ZAN: variants seen among roughly 807,000 people sequenced by gnomAD.
The protein encoded by ZAN is zonadhesin, also known as zonadhesin (gene/pseudogene).
A neutral mutation model predicts 286.2 loss-of-function variants in ZAN; 260 were observed. The ratio of observed to expected loss-of-function variants is 0.91; its 90% CI spans 0.82 to 1.01. The LOEUF is 1.01. Among genes scored for constraint, ZAN ranks in the 50% least tolerant of loss-of-function variants. The probability of loss-of-function intolerance (pLI) is 0.00; values close to 1 mark genes in which losing one functional copy is unlikely to be tolerated. For missense variants in ZAN, 3,410 were observed against 3,639.2 expected (o/e 0.94, Z 1.62); for synonymous variants, 1,368 against 1,417.5 (o/e 0.97, Z 0.79).
intron 7 of ZAN, among the ~76,000 whole-genome samples, chr7:100,743,831 C>T (rs935449869): frequency 1.3e-5 from 2 of 151,390 alleles, no homozygotes; most frequent in Non-Finnish European, 2.9e-5. Context: ...GAGCTGTGAT[C>T]GCACTACTGC....
At position 100,758,219 on chromosome 7, in the gene ZAN, C is replaced by G; in HGVS notation, c.3327C>G (p.Phe1109Leu). ...TCTCCCAGCCTGGGGCAGAGTGGTT[C>G]AGCCCCAACTGCACAGAACATTGCC... ...NDYYEPGAEW[F>L]SPNCTEHCRC... is the part of the protein sequence containing the mutation. The change falls in exon 16 of 48, where the codon TTC (phenylalanine) becomes TTG (leucine). Residue 1109 changes from phenylalanine (F) to leucine (L), a missense_variant. Phe to Leu is a conservative substitution (Grantham distance 22, BLOSUM62 0). This residue lies in a region of ZAN where 1,042 missense variants were observed against 1,058.0 expected (regional missense o/e 0.98). Coordinates refer to ENST00000613979, the MANE Select transcript of ZAN (RefSeq NM_003386.3). 6.2e-7 allele frequency: 1 copy of G among 1,613,132 alleles called. No individual in the cohort carries two copies. The highest frequency in any genetic ancestry group is 8.5e-7 in the Non-Finnish European group (1 of 1,179,706).
At position 100,789,232 on chromosome 7, in the gene ZAN, G is replaced by A. The variant is rs764190793; in HGVS notation, c.7242G>A (p.Lys2414=). 2 of 1,613,660 alleles carry A rather than the reference G, an allele frequency of 1.2e-6. No homozygotes were observed. Among genetic ancestry groups the A allele is most frequent in the African/African-American group, 1.3e-5 (1 of 75,052 alleles). ...AGLELVVNNQ[K]MAVPYRPNEH... The stretch of plus-strand genomic sequence containing the variant: ...TCCCTCTTTAGGTCAACAACCAGAA[G>A]ATGGCCGTCCCCTACAGGCCAAATG... Residue 2414 remains lysine (K), a synonymous_variant, in exon 39 of 48, where the codon AAG becomes AAA. Coordinates refer to ENST00000613979, the MANE Select transcript of ZAN (RefSeq NM_003386.3).
rs1273370675 is a variant in ZAN, at chr7:100,791,865, C to T, written c.7530-101C>T. ...GCCTCAGCCTCCCGGGTAGCTGGGA[C>T]TCCAGGCAGCCACCACCATGCCCGG... On this transcript the variant is annotated intron_variant, in intron 40 of 47. Coordinates refer to ENST00000613979, the MANE Select transcript of ZAN (RefSeq NM_003386.3). 1.4e-5 allele frequency: 19 copies of T among 1,392,510 alleles called. No homozygotes were observed. In the East Asian group the frequency reaches 4.3e-4, roughly 31 times the overall value. 86.3% of individuals were successfully genotyped at this position (1,392,510 alleles called of 1,614,324 possible).
intron 35 of ZAN, 139 bp downstream of exon 35, chr7:100,779,889 T>G: frequency 9.9e-7 from 1 of 1,012,848 alleles, no homozygotes; most frequent in South Asian, 2.6e-5. Context: ...GGACTATTTT[T>G]TAATTTTTAT....
At chr7:100,757,657 A>G (rs974133136) in intron 15 of ZAN, among the ~76,000 whole-genome samples, 1 of 150,956 alleles carries the variant, frequency 6.6e-6, no homozygotes, top group African/African-American at 2.4e-5. Flanking sequence ...CTGGAGGCTG[A>G]GGCAGGAGAA....
In ZAN at chr7:100,746,668, T is replaced by G; in HGVS notation, c.897T>G (p.Pro299=). ...ACTACATCCTCCGGGGCCAGTCTCC[T>G]GGTGCAGCCCTCCACATTTATGCTT... ...SFHYILRGQS[P]GAALHIYASV... Residue 299 remains proline, a synonymous_variant, in exon 8 of 48, where the codon CCT becomes CCG. Coordinates refer to ENST00000613979, the MANE Select transcript of ZAN (RefSeq NM_003386.3). 1 of 1,613,984 alleles carries G rather than the reference T, an allele frequency of 6.2e-7. No individual in the cohort carries two copies. Among genetic ancestry groups the G allele is most frequent in the Non-Finnish European group, 8.5e-7 (1 of 1,179,888 alleles).
rs1055678760 is a variant in ZAN at position 100,793,017 on chromosome 7, C to T, written c.7787+538C>T. On this transcript the variant is annotated intron_variant, in intron 42 of 47. Transcript: ENST00000613979. ...AAAAAAGAAAGAAAGAAAGAAAGAA[C>T]GAAAAAAAGAAAGAAATTAAAAAAA... Among the ~76,000 whole-genome samples the T allele has an allele frequency of 3.7e-5, 4 of 108,390 alleles. 1 individual carries two copies. Among genetic ancestry groups the T allele is most frequent in the East Asian group, 2.2e-4 (1 of 4,624 alleles). 71.1% of individuals were successfully genotyped at this position (108,390 alleles called of 152,430 possible). A position where few individuals can be genotyped will look rare whatever the true frequency, so the allele number is the denominator to read the frequency against.
At chr7:100,759,081 C>T (rs1809359412) in intron 17 of ZAN, among the ~76,000 whole-genome samples, 1 of 152,010 alleles carries the variant, frequency 6.6e-6, no homozygotes, top group Non-Finnish European at 1.5e-5. Context: ...AAAAATTAGC[C>T]AGGCTTGGTG....
At position 100,775,797 on chromosome 7, in the gene ZAN, C is replaced by G; in HGVS notation, c.6156C>G (p.Leu2052=). The G allele has an allele frequency of 1.2e-6, 2 of 1,613,866 alleles. No individual in the cohort carries two copies. The highest frequency in any genetic ancestry group is 1.7e-6 in the Non-Finnish European group (2 of 1,179,894). The part of the protein sequence containing the change: ...GVQVKFDGNH[L]LEIEIPTTYY... ...AAGTCAAGTTTGACGGGAATCATCTCTTAGAGATTGAAATCCCCACAACCT... is the reference window on the plus strand; with the variant it reads ...AAGTCAAGTTTGACGGGAATCATCTGTTAGAGATTGAAATCCCCACAACCT... Residue 2052 remains leucine (L), a synonymous_variant, in exon 33 of 48, where the codon CTC becomes CTG. Coordinates refer to ENST00000613979, the MANE Select transcript of ZAN (RefSeq NM_003386.3).
In ZAN at chr7:100,751,698, ATTTT is replaced by A. The variant is rs1349470052; in HGVS notation, c.1607-12_1607-9del. The A allele has an allele frequency of 5.7e-6, 9 of 1,566,830 alleles. No homozygotes were observed. The highest frequency in any genetic ancestry group is 6.9e-6 in the Non-Finnish European group (8 of 1,163,820). On this transcript the variant is annotated splice_polypyrimidine_tract_variant and intron_variant, in intron 13 of 47. Transcript: ENST00000613979. ...TTTTGACTAAACTCCAGGGATTCTT[ATTTT>A]TCTTTGCAGTAAAAGTGCTACCAGA...
At position 100,736,521 on chromosome 7, in the gene ZAN, C is replaced by A. The variant is rs185030445; in HGVS notation, c.145C>A (p.Pro49Thr). 1.3e-6 allele frequency: 2 copies of A among 1,524,214 alleles called. No homozygotes were observed. Among genetic ancestry groups the A allele is most frequent in the East Asian group, 2.3e-5 (1 of 43,888 alleles). The allele number at this position is 1,524,214 out of a possible 1,614,324, so 94.4% of individuals were successfully genotyped here. ...GTGTGATTTTGAGGATGACGCCAAACCCCTCTGTGACTGGTCCCAAGTGTC... is the reference window on the plus strand; with the variant it reads ...GTGTGATTTTGAGGATGACGCCAAAACCCTCTGTGACTGGTCCCAAGTGTC... ...TQCDFEDDAK[P>T]LCDWSQVSAD... Residue 49 changes from proline (P) to threonine (T), a missense_variant, in exon 4 of 48, where the codon CCC (proline) becomes ACC (threonine). Pro to Thr is a conservative substitution (Grantham distance 38). Coordinates refer to ENST00000613979, the MANE Select transcript of ZAN (RefSeq NM_003386.3).
chr7:100,773,641 G>T, intron 30 of ZAN, 80 bp from the exon 31 acceptor site: 1 of 1,553,924 alleles, frequency 6.4e-7, no homozygotes, highest in Non-Finnish European at 8.7e-7. Context: ...GGCAGATGCT[G>T]CACCCAGCTT....
intron 31 of ZAN, among the ~76,000 whole-genome samples, chr7:100,775,021 T>A (rs1479647459): frequency 6.6e-6 from 1 of 152,018 alleles, no homozygotes; most frequent in Non-Finnish European, 1.5e-5. Context: ...TCCATCTCCC[T>A]GGTTCAAGCG....
In ZAN at chr7:100,765,551, C is replaced by T; in HGVS notation, c.4467C>T (p.Phe1489=). 3 of 1,600,150 alleles carry T rather than the reference C, an allele frequency of 1.9e-6. No individual in the cohort carries two copies. The highest frequency in any genetic ancestry group is 2.6e-6 in the Non-Finnish European group (3 of 1,173,680). Residue 1489 remains phenylalanine (F), a synonymous_variant, in exon 23 of 48, where the codon TTC becomes TTT. Coordinates refer to ENST00000613979, the MANE Select transcript of ZAN (RefSeq NM_003386.3). ...CGCLHPAGSY[F]KVGERWYKPG... The stretch of plus-strand genomic sequence containing the variant: ...GCCTCCACCCTGCAGGCAGCTACTT[C>T]AAGGTGAGCGGCTGCGTGGACCTCT...
At position 100,737,014 on chromosome 7, in the gene ZAN, C is replaced by T. The variant is rs1238862153; in HGVS notation, c.459C>T (p.Asn153=). ...RRPDVLWKHW[N]TQRPSWMLTT... is the part of the protein sequence containing the mutation. ...CCGATGTGCTCTGGAAACACTGGAA[C>T]ACCCAGAGACCCTCCTGGATGCTCA... Residue 153 remains asparagine, a synonymous_variant, in exon 5 of 48, where the codon AAC becomes AAT. Coordinates refer to ENST00000613979, the MANE Select transcript of ZAN (RefSeq NM_003386.3). 6.7e-6 allele frequency: 10 copies of T among 1,500,828 alleles called. 4 individuals are homozygous for T. Among genetic ancestry groups the T allele is most frequent in the Non-Finnish European group, 9.1e-6 (10 of 1,096,644 alleles). 93.0% of individuals were successfully genotyped at this position (1,500,828 alleles called of 1,614,324 possible).
chr7:100,767,886 T>C lies in ZAN; in HGVS notation c.4916T>C (p.Ile1639Thr), dbSNP rs73711175. ...PVWLAQGRVT[I>T]RLSSNLVLLY... is the part of the protein sequence containing the mutation. ...TGGCTTGCACAAGGCCGGGTGACCATAAGGCTCAGCAGCAACCTCGTCCTC... is the reference window on the plus strand; with the variant it reads ...TGGCTTGCACAAGGCCGGGTGACCACAAGGCTCAGCAGCAACCTCGTCCTC... The change falls in exon 26 of 48, where the codon ATA (isoleucine) becomes ACA (threonine). Residue 1639 changes from isoleucine to threonine, a missense_variant. Transcript: ENST00000613979. 3,226 of 1,613,944 alleles carry C rather than the reference T, an allele frequency of 2.0e-3. 56 individuals carry two copies. The African/African-American group carries it at 0.036, about 18-fold the overall frequency.
rs751911748 is a variant in ZAN at position 100,734,668 on chromosome 7, G to A, written c.53+447G>A. On this transcript the variant is annotated intron_variant, in intron 2 of 47. Transcript: ENST00000613979. ...ACCTTGAGAGGAAGGGGGAAACCCG[G>A]TGGGATGGAAATGGGTTGACCTTGA... 1.4e-5 allele frequency among the ~76,000 whole-genome samples: 2 copies of A among 140,134 alleles called. 1 individual carries two copies. Among genetic ancestry groups the A allele is most frequent in the Non-Finnish European group, 3.2e-5 (2 of 62,646 alleles). 91.9% of individuals were successfully genotyped at this position (140,134 alleles called of 152,430 possible). A position where few individuals can be genotyped will look rare whatever the true frequency, so the allele number is the denominator to read the frequency against.
intron 42 of ZAN, 160 bp downstream of exon 42, chr7:100,792,639 G>A: frequency 7.0e-7 from 1 of 1,419,304 alleles, no homozygotes; most frequent in Non-Finnish European, 9.2e-7. Context: ...CGGGCTTTCT[G>A]TCTTAGTCCC....
chr7:100,764,014 T>A lies in ZAN; in HGVS notation c.4098-13T>A, dbSNP rs558945928. 1.1e-5 allele frequency: 18 copies of A among 1,613,846 alleles called. No individual in the cohort carries two copies. In the African/African-American group the frequency reaches 1.3e-4, roughly 12 times the overall value. On this transcript the variant is annotated splice_polypyrimidine_tract_variant and intron_variant, in intron 21 of 47. Transcript: ENST00000613979. ...TTCCACTGCATTCCCCCTGACTTGGTCACTCCCCTCAGGACATGCCTGCTG... is the reference window on the plus strand; with the variant it reads ...TTCCACTGCATTCCCCCTGACTTGGACACTCCCCTCAGGACATGCCTGCTG...
Sources: gnomAD v4.1 joint callset for allele counts (sites outside exome capture counted in the v4.1 genomes callset) on GRCh38, gnomAD v4.1.1 for gene constraint, gnomAD v4.1.1 regional missense constraint, MANE v1.5 for transcripts, NCBI Gene and HGNC (gene_info 2026-07-23, HGNC 2026-07-21) for gene names.